The following TSPAN11 variants were observed in gnomAD, a reference collection of about 807,000 sequenced individuals.
TSPAN11 encodes tetraspanin 11.
Under a neutral mutation model 32.9 loss-of-function variants are expected in TSPAN11, and 29 were observed. That is an observed-to-expected ratio of 0.88 (90% CI 0.66 to 1.20). TSPAN11 has a LOEUF of 1.20. Ranked by LOEUF, TSPAN11 falls within the 50% of genes most tolerant of loss-of-function variation. The pLI is 0.00. For synonymous variants in TSPAN11, 140 were observed against 141.3 expected, an observed-to-expected ratio of 0.99 and a Z score of 0.07; for missense variants, 283 against 329.1, an observed-to-expected ratio of 0.86 and a Z score of 1.08.
intron 1 of TSPAN11, among the ~76,000 whole-genome samples, chr12:30,937,993 C>T (rs1938081615): frequency 6.6e-6 from 1 of 152,162 alleles, no homozygotes; most frequent in Non-Finnish European, 1.5e-5. Context: ...TACTTCCACT[C>T]ATCCATTGTC....
chr12:31,014,074 G>A, the TSPAN11 span, among the ~76,000 whole-genome samples: 2 of 152,130 alleles, frequency 1.3e-5, no homozygotes, highest in Non-Finnish European at 2.9e-5. Flanking sequence ...TCACTTACGT[G>A]ATTTCCATAT....
Position 30,931,879 on chromosome 12 carries a change from C to CA in TSPAN11, c.-12+5103dup, listed in dbSNP as rs58500177. 1.5e-3 allele frequency among the ~76,000 whole-genome samples: 90 copies of CA among 60,860 alleles called. 5 individuals carry two copies. The highest frequency in any genetic ancestry group is 0.012 in the East Asian group (17 of 1,412). The allele number at this position is 60,860 out of a possible 152,430, so 39.9% of individuals were successfully genotyped here. A position where few individuals can be genotyped will look rare whatever the true frequency, so the allele number is the denominator to read the frequency against. ...TGGGCGACAGAGTGAGACGCTGTAT[C>CA]AAAAAAAAAAAAAAAAAAAAGAGTC... On this transcript the variant is annotated intron_variant, in intron 1 of 7. Coordinates refer to ENST00000546076, the MANE Select transcript of TSPAN11 (RefSeq NM_001370302.1).
chr12:31,004,298 C>T, the TSPAN11 span, among the ~76,000 whole-genome samples: 1 of 152,190 alleles, frequency 6.6e-6, no homozygotes, highest in Non-Finnish European at 1.5e-5. Context: ...TGTGTGCATG[C>T]CATGACTCCA....
At chr12:30,989,955 C>T (rs1033939822) in intron 7 of TSPAN11, among the ~76,000 whole-genome samples, 2 of 152,232 alleles carry the variant, frequency 1.3e-5, no homozygotes, top group Non-Finnish European at 2.9e-5. Context: ...CCAACCCCAT[C>T]TGCCACCTCC....
chr12:30,943,708 C>G (rs572347595), intron 1 of TSPAN11, among the ~76,000 whole-genome samples: 8 of 152,354 alleles, frequency 5.3e-5, no homozygotes, highest in African/African-American at 1.9e-4. Context: ...CTTTTGGCTC[C>G]TTCCAGCTGC....
chr12:30,976,273 C>T (rs770584904), intron 3 of TSPAN11, among the ~76,000 whole-genome samples: 1 of 152,106 alleles, frequency 6.6e-6, no homozygotes, highest in Non-Finnish European at 1.5e-5. Context: ...ATTTCCCCCT[C>T]GTTGGGTCCT....
chr12:30,931,103 C>A (rs1937914080), intron 1 of TSPAN11, among the ~76,000 whole-genome samples: 1 of 152,110 alleles, frequency 6.6e-6, no homozygotes, highest in South Asian at 2.1e-4. Context: ...GGGATAAACC[C>A]CCCAGTGGTT....
chr12:30,983,800 T>A (rs556133334), intron 7 of TSPAN11, among the ~76,000 whole-genome samples: 47 of 152,270 alleles, frequency 3.1e-4, no homozygotes, highest in African/African-American at 1.1e-3. Flanking sequence ...GTATAAGTAG[T>A]CTAGAGATGA....
At chr12:30,968,950 C>A (rs765258163) in intron 3 of TSPAN11, among the ~76,000 whole-genome samples, 4 of 152,186 alleles carry the variant, frequency 2.6e-5, no homozygotes, top group Non-Finnish European at 5.9e-5. Flanking sequence ...CAGCTTCTGC[C>A]TGCCTCCTTG....
chr12:30,957,121 C>T (rs1378577523), intron 2 of TSPAN11, among the ~76,000 whole-genome samples: 3 of 152,136 alleles, frequency 2.0e-5, no homozygotes, highest in African/African-American at 7.2e-5. Context: ...CGTACATCAA[C>T]ATCCCACTGA....
intron 5 of TSPAN11, among the ~76,000 whole-genome samples, chr12:30,981,528 G>A (rs138878333): frequency 6.4e-4 from 97 of 151,612 alleles, no homozygotes; most frequent in African/African-American, 2.2e-3. Context: ...TGCAGTTCCC[G>A]CGTGACTCCT....
intron 3 of TSPAN11, among the ~76,000 whole-genome samples, chr12:30,972,355 C>T (rs1226932197): frequency 1.3e-5 from 2 of 152,032 alleles, no homozygotes; most frequent in Non-Finnish European, 2.9e-5. Context: ...GCAGGGAGGC[C>T]CCAGAGTCAG....
intron 3 of TSPAN11, among the ~76,000 whole-genome samples, chr12:30,965,739 ACT>A (rs1358520998): frequency 2.6e-5 from 4 of 152,114 alleles, no homozygotes; most frequent in Non-Finnish European, 5.9e-5. Context: ...AGCAACTCTT[ACT>A]CTGTGTATGG....
rs569998871 is a variant in TSPAN11, at chr12:30,931,715, A to G, written c.-12+4919A>G. On this transcript the variant is annotated intron_variant, in intron 1 of 7. Transcript: ENST00000546076. ...GCCAACATGGTGAAACCCCGTCTCT[A>G]TTAAAAATACAAAAATTAGCTGCGT... 2.0e-5 allele frequency among the ~76,000 whole-genome samples: 3 copies of G among 152,020 alleles called. No individual in the cohort carries two copies. In the South Asian group the frequency reaches 6.3e-4, roughly 32 times the overall value.
downstream of TSPAN11, among the ~76,000 whole-genome samples, chr12:31,000,421 G>T (rs926079312): frequency 1.3e-5 from 2 of 152,210 alleles, no homozygotes; most frequent in South Asian, 2.1e-4. Context: ...ATGTCTGACC[G>T]ATTTCTTGCC....
rs146830805 is a variant in TSPAN11, at chr12:30,978,599, G to A, written c.315G>A (p.Leu105=). 1.7e-5 allele frequency: 27 copies of A among 1,614,228 alleles called. No individual in the cohort carries two copies. Among genetic ancestry groups the A allele is most frequent in the Non-Finnish European group, 2.3e-5 (27 of 1,180,040 alleles). The part of the protein sequence containing the change: ...CLLLVIFLVE[L]VAGVLAHVYY... ...TGCTCGTCATCTTCCTGGTTGAGCT[G>A]GTGGCGGGAGTCCTGGCCCATGTGT... Residue 105 remains leucine, a synonymous_variant, in exon 4 of 8, where the codon CTG becomes CTA. Coordinates refer to ENST00000546076, the MANE Select transcript of TSPAN11 (RefSeq NM_001370302.1).
At chr12:30,933,065 C>A (rs2140268935) in intron 1 of TSPAN11, among the ~76,000 whole-genome samples, 1 of 152,324 alleles carries the variant, frequency 6.6e-6, no homozygotes, top group African/African-American at 2.4e-5. Context: ...GCCTGACTGA[C>A]CCCTGCCAGA....
intron 2 of TSPAN11, among the ~76,000 whole-genome samples, chr12:30,957,228 ACC>A (rs56296744): frequency 0.13 from 14,063 of 107,268 alleles, 864 homozygotes; most frequent in African/African-American, 0.22. Context: ...ATGGCCTGGG[ACC>A]CCCCCCCCCC....
At chr12:30,930,506 T>C (rs1421561778) in intron 1 of TSPAN11, among the ~76,000 whole-genome samples, 4 of 152,226 alleles carry the variant, frequency 2.6e-5, no homozygotes, top group African/African-American at 4.8e-5. Context: ...ATCCTGGCTC[T>C]GCCCCTTCCT....
Sources: allele counts gnomAD v4.1 joint callset (sites outside exome capture counted in the v4.1 genomes callset), GRCh38; gene constraint gnomAD v4.1.1; transcripts MANE v1.5; gene names NCBI Gene and HGNC (gene_info 2026-07-23, HGNC 2026-07-21).